ADGRB1: variants seen among roughly 807,000 people sequenced by gnomAD.
The protein encoded by ADGRB1 is adhesion G protein-coupled receptor B1.
A neutral mutation model predicts 175.7 loss-of-function variants in ADGRB1; 36 were observed. The observed-to-expected ratio is 0.20, with a 90% confidence interval of 0.16 to 0.27. The LOEUF is 0.27. Ranked by LOEUF, ADGRB1 falls within the 10% of genes least tolerant of loss-of-function variation. The pLI, the probability that ADGRB1 is intolerant of heterozygous loss-of-function variation, is 1.00. For synonymous variants in ADGRB1, 1,054 were observed against 979.4 expected, an observed-to-expected ratio of 1.08 and a Z score of -1.42; for missense variants, 1,731 against 2,255.3, an observed-to-expected ratio of 0.77 and a Z score of 4.71.
intron 17 of ADGRB1, among the ~76,000 whole-genome samples, chr8:142,505,586 C>T (rs1469306615): frequency 6.6e-6 from 1 of 152,126 alleles, no homozygotes; most frequent in Non-Finnish European, 1.5e-5. Flanking sequence ...TGCTGGGAGC[C>T]GTGGTTACTG....
rs75366990 is a variant in ADGRB1 at position 142,508,636 on chromosome 8, C to G, written c.2676-2296C>G. ...ACGCAGAACAGCCTGGGTCCCTGGC[C>G]GCCATCGCAGTGGCTGGGTAAGTGT... is the stretch of plus-strand genomic sequence containing the variant. On this transcript the variant is annotated intron_variant, in intron 17 of 30. Coordinates refer to ENST00000517894, the MANE Select transcript of ADGRB1 (RefSeq NM_001702.3). Among the ~76,000 whole-genome samples the G allele has an allele frequency of 8.0e-4, 122 of 152,304 alleles. 1 individual carries two copies. In the East Asian group the frequency reaches 0.021, roughly 27 times the overall value.
chr8:142,479,441 G>A lies in ADGRB1; in HGVS notation c.1680G>A (p.Gln560=), dbSNP rs765014226. Residue 560 remains glutamine (Q), a synonymous_variant, in exon 8 of 31, where the codon CAG becomes CAA. Coordinates refer to ENST00000517894, the MANE Select transcript of ADGRB1 (RefSeq NM_001702.3). The part of the protein sequence containing the change: ...SGPFFGGAAC[Q]GPQDEYRQCG... Reference sequence around the variant, plus strand: ...CCTTCTTCGGGGGAGCAGCCTGCCAGGGCCCCCAGGATGAGTACCGGCAGT... The same window carrying A: ...CCTTCTTCGGGGGAGCAGCCTGCCAAGGCCCCCAGGATGAGTACCGGCAGT... 6 of 1,549,950 alleles carry A rather than the reference G, an allele frequency of 3.9e-6. No homozygotes were observed. Among genetic ancestry groups the A allele is most frequent in the Non-Finnish European group, 5.2e-6 (6 of 1,153,542 alleles).
intron 24 of ADGRB1, among the ~76,000 whole-genome samples, chr8:142,531,540 G>A (rs1047064265): frequency 6.6e-6 from 1 of 152,234 alleles, no homozygotes; most frequent in Non-Finnish European, 1.5e-5. Context: ...AAGTTGTACA[G>A]GGAAGAAGGA....
At chr8:142,507,277 T>C (rs900850658) in intron 17 of ADGRB1, among the ~76,000 whole-genome samples, 5 of 152,174 alleles carry the variant, frequency 3.3e-5, no homozygotes, top group Non-Finnish European at 5.9e-5. Context: ...TGACACATGC[T>C]GCCAAGGCCT....
At chr8:142,533,005 C>T (rs973123580) in intron 24 of ADGRB1, among the ~76,000 whole-genome samples, 3 of 151,924 alleles carry the variant, frequency 2.0e-5, no homozygotes, top group South Asian at 2.1e-4. Context: ...TCAGTGTTGA[C>T]GGTGGGCTCC....
At chr8:142,469,568 T>C (rs1172566444) in intron 2 of ADGRB1, among the ~76,000 whole-genome samples, 1 of 146,788 alleles carries the variant, frequency 6.8e-6, no homozygotes, top group Non-Finnish European at 1.5e-5. Context: ...TGTGAATGTG[T>C]GTGCATGTGT....
chr8:142,501,346 G>A (rs1237486539), intron 17 of ADGRB1, among the ~76,000 whole-genome samples: 5 of 151,072 alleles, frequency 3.3e-5, no homozygotes, highest in South Asian at 2.1e-4. Flanking sequence ...GGTGGTGGTC[G>A]TGGTCATAGT....
At chr8:142,532,234 G>A (rs1303864927) in intron 24 of ADGRB1, among the ~76,000 whole-genome samples, 1 of 152,206 alleles carries the variant, frequency 6.6e-6, no homozygotes, top group Admixed American at 6.5e-5. Flanking sequence ...GGCAGGCACA[G>A]GGCCACCTCC....
At chr8:142,501,062 A>G (rs554776333) in intron 17 of ADGRB1, among the ~76,000 whole-genome samples, 1 of 152,272 alleles carries the variant, frequency 6.6e-6, no homozygotes, top group African/African-American at 2.4e-5. Context: ...TTACCAGGCT[A>G]GTGTCAGTTC....
chr8:142,475,384 G>A (rs143479079), intron 2 of ADGRB1, 90 bp from the exon 3 acceptor site: 2 of 1,209,938 alleles, frequency 1.7e-6, no homozygotes, highest in South Asian at 4.2e-5. Context: ...ACCCGGGCCG[G>A]CCTCGGCGGG....
At chr8:142,482,566 C>T (rs1241720490) in intron 11 of ADGRB1, among the ~76,000 whole-genome samples, 1 of 149,844 alleles carries the variant, frequency 6.7e-6, no homozygotes, top group African/African-American at 2.5e-5. Context: ...ATGCTGAGCC[C>T]TGATCCTGGT....
intron 2 of ADGRB1, among the ~76,000 whole-genome samples, chr8:142,466,061 G>A (rs942867728): frequency 1.1e-4 from 17 of 152,230 alleles, no homozygotes; most frequent in African/African-American, 3.9e-4. Context: ...GACGGGTGAC[G>A]TGCAAGAAAG....
chr8:142,542,759 G>A lies in ADGRB1; in HGVS notation c.4413+112G>A. On this transcript the variant is annotated intron_variant, in intron 28 of 30. Transcript: ENST00000517894. This position sits in a 1 kb window ranked among gnomAD's most constrained non-coding sequence, Gnocchi z 6.3. The stretch of plus-strand genomic sequence containing the variant: ...GCCGTCAGCGGGGCGGGCTGGCTCT[G>A]CCTCCTAGCTACACCCCCCACCCCT... 1 of 1,008,374 alleles carries A rather than the reference G, an allele frequency of 9.9e-7. No individual in the cohort carries two copies. Among genetic ancestry groups the A allele is most frequent in the Non-Finnish European group, 1.4e-6 (1 of 716,390 alleles). The allele number at this position is 1,008,374 out of a possible 1,614,324, so 62.5% of individuals were successfully genotyped here. A position where few individuals can be genotyped will look rare whatever the true frequency, so the allele number is the denominator to read the frequency against.
In ADGRB1 at chr8:142,532,546, G is replaced by A. The variant is rs72689055; in HGVS notation, c.3399-749G>A. On this transcript the variant is annotated intron_variant, in intron 24 of 30. Coordinates refer to ENST00000517894, the MANE Select transcript of ADGRB1 (RefSeq NM_001702.3). ...CTGGGGCTCAGGAGGCATGGGCGGA[G>A]CTGGCCCACGAAGAGGAGGAGGCGC... is the stretch of plus-strand genomic sequence containing the variant. Among the ~76,000 whole-genome samples, 1,273 of 152,238 alleles carry A rather than the reference G, an allele frequency of 8.4e-3. 4 individuals are homozygous for A. Among genetic ancestry groups the A allele is most frequent in the Non-Finnish European group, 0.013 (851 of 67,992 alleles).
chr8:142,467,817 CTT>C (rs559871770), intron 2 of ADGRB1, among the ~76,000 whole-genome samples: 111 of 152,310 alleles, frequency 7.3e-4, no homozygotes, highest in African/African-American at 2.6e-3. Context: ...GTAAAAATAT[CTT>C]GTTTCTTAGA....
At chr8:142,526,829 C>T (rs1425132377) in intron 24 of ADGRB1, among the ~76,000 whole-genome samples, 1 of 152,196 alleles carries the variant, frequency 6.6e-6, no homozygotes, top group Non-Finnish European at 1.5e-5. Flanking sequence ...CTCAGTTTCT[C>T]CATCTGACCT....
intron 22 of ADGRB1, 140 bp downstream of exon 22, chr8:142,522,850 C>G: frequency 2.0e-6 from 2 of 1,024,204 alleles, no homozygotes. Context: ...GGGTGGGGCC[C>G]CAGGGGCTGG....
intron 1 of ADGRB1, among the ~76,000 whole-genome samples, chr8:142,454,734 G>A (rs1839558875): frequency 1.3e-5 from 2 of 152,204 alleles, no homozygotes; most frequent in East Asian, 1.9e-4. Context: ...CAAAGCACAT[G>A]CCACTGAGGA....
At chr8:142,500,189 C>T (rs1842421889) in intron 17 of ADGRB1, among the ~76,000 whole-genome samples, 1 of 151,160 alleles carries the variant, frequency 6.6e-6, no homozygotes, top group Admixed American at 6.6e-5. Flanking sequence ...TTGTGTTTCG[C>T]CCCCGCCCCA....
Sources: gnomAD v4.1 joint callset for allele counts (sites outside exome capture counted in the v4.1 genomes callset) on GRCh38, gnomAD v4.1.1 for gene constraint, Gnocchi (gnomAD v3.1) non-coding constraint, MANE v1.5 for transcripts, NCBI Gene and HGNC (gene_info 2026-07-23, HGNC 2026-07-21) for gene names.